The following ATG2B variants were observed in gnomAD, a reference collection of about 807,000 sequenced individuals.
ATG2B encodes autophagy related 2B, also known as autophagy-related protein 2 homolog B.
A neutral mutation model predicts 241.3 loss-of-function variants in ATG2B; 121 were observed. The observed-to-expected ratio is 0.50, with a 90% CI of 0.43 to 0.58. ATG2B has a LOEUF of 0.58. Ranked by LOEUF, ATG2B falls within the 20% of genes least tolerant of loss-of-function variation. ATG2B has a pLI of 0.00. For synonymous variants in ATG2B, 858 were observed against 876.6 expected (o/e 0.98, Z 0.37); for missense variants, 2,306 against 2,491.6 (o/e 0.93, Z 1.59).
At chr14:96,292,130 A>T in intron 36 of ATG2B, 32 bp from the exon 37 acceptor site, 1 of 1,398,328 alleles carries the variant, frequency 7.2e-7, no homozygotes, top group Non-Finnish European at 1.0e-6. Flanking sequence ...AGTTATTTAC[A>T]TTTACAATTA....
At chr14:96,299,553 G>C (rs943120353) in intron 34 of ATG2B, among the ~76,000 whole-genome samples, 1 of 152,316 alleles carries the variant, frequency 6.6e-6, no homozygotes, top group East Asian at 1.9e-4. Context: ...TCCCGGCAGA[G>C]TTCCAGGCAG....
In ATG2B at chr14:96,303,021, T is replaced by C. The variant is rs772453777; in HGVS notation, c.5037+40A>G. On this transcript the variant is annotated intron_variant, in intron 33 of 41. Transcript: ENST00000359933. ...AAGTTAGATATAATAAAAACACGTT[T>C]CCAAAACTAACATAACACAACGATG... 7.9e-6 allele frequency: 11 copies of C among 1,391,692 alleles called. No homozygotes were observed. The Middle Eastern group carries it at 1.2e-3, about 155-fold the overall frequency. The allele number at this position is 1,391,692 out of a possible 1,614,324, so 86.2% of individuals were successfully genotyped here.
At chr14:96,330,554 A>G in intron 11 of ATG2B, among the ~76,000 whole-genome samples, 1 of 152,106 alleles carries the variant, frequency 6.6e-6, no homozygotes. Context: ...ACTGGAGGGC[A>G]GGAGTTCGAG....
chr14:96,303,271 G>A lies in ATG2B; in HGVS notation c.4843-16C>T, dbSNP rs1381259371. On this transcript the variant is annotated splice_polypyrimidine_tract_variant and intron_variant, in intron 32 of 41. Coordinates refer to ENST00000359933, the MANE Select transcript of ATG2B (RefSeq NM_018036.7). ...GAAACTTCACCTTAACGGGTAAGGA[G>A]GAAGAACGCGGAACAGTTCTTTACA... 6.6e-7 allele frequency: 1 copy of A among 1,524,172 alleles called. No homozygotes were observed. Among genetic ancestry groups the A allele is most frequent in the Non-Finnish European group, 8.8e-7 (1 of 1,130,968 alleles). 94.4% of individuals were successfully genotyped at this position (1,524,172 alleles called of 1,614,324 possible). A position where few individuals can be genotyped will look rare whatever the true frequency, so the allele number is the denominator to read the frequency against.
chr14:96,318,388 T>C (rs1887372713), intron 18 of ATG2B: 1 of 152,320 alleles, frequency 6.6e-6, no homozygotes. Context: ...CAAAGTCACA[T>C]GGCTAATTAG....
chr14:96,304,004 C>T (rs771623358), intron 32 of ATG2B, among the ~76,000 whole-genome samples: 8 of 152,184 alleles, frequency 5.3e-5, no homozygotes, highest in Non-Finnish European at 1.0e-4. Flanking sequence ...TAAAATATGA[C>T]ACTTGGTACA....
At chr14:96,310,743 G>A (rs1255287628) in intron 28 of ATG2B, among the ~76,000 whole-genome samples, 2 of 152,156 alleles carry the variant, frequency 1.3e-5, no homozygotes, top group African/African-American at 4.8e-5. Context: ...ATATAAGTAA[G>A]TCTTCTGGTA....
chr14:96,345,501 T>C (rs962434770), intron 2 of ATG2B, 116 bp from the exon 3 acceptor site: 1 of 762,666 alleles, frequency 1.3e-6, no homozygotes, highest in Non-Finnish European at 1.9e-6. Context: ...ATTTTTAACA[T>C]CATGATGTTA....
chr14:96,323,028 A>G (rs1028604567), intron 16 of ATG2B, among the ~76,000 whole-genome samples: 1 of 152,206 alleles, frequency 6.6e-6, no homozygotes, highest in African/African-American at 2.4e-5. Context: ...ACTTTACCTA[A>G]GGATTCTAGT....
intron 17 of ATG2B, 109 bp downstream of exon 17, chr14:96,322,431 C>G: frequency 7.5e-7 from 1 of 1,325,954 alleles, no homozygotes; most frequent in Non-Finnish European, 1.0e-6. Flanking sequence ...AGTTTAAGAC[C>G]TAGCAAAAAC....
intron 5 of ATG2B, among the ~76,000 whole-genome samples, chr14:96,342,684 T>G (rs1226748079): frequency 1.4e-5 from 2 of 144,204 alleles, no homozygotes; most frequent in Non-Finnish European, 3.0e-5. Flanking sequence ...ATTGCGCCAC[T>G]GCACACCAGC....
At chr14:96,328,305 A>G in intron 14 of ATG2B, 42 bp downstream of exon 14, 1 of 1,419,666 alleles carries the variant, frequency 7.0e-7, no homozygotes, top group South Asian at 1.4e-5. Context: ...CCTATTAGCT[A>G]ACCATAATTA....
intron 30 of ATG2B, among the ~76,000 whole-genome samples, chr14:96,306,219 T>C (rs1248350255): frequency 6.6e-6 from 1 of 152,232 alleles, no homozygotes; most frequent in Admixed American, 6.5e-5. Context: ...TGTTTGGATT[T>C]TTAAAAATTT....
chr14:96,341,530 C>G lies in ATG2B; in HGVS notation c.916G>C (p.Gly306Arg). 6.3e-7 allele frequency: 1 copy of G among 1,578,116 alleles called. No individual in the cohort carries two copies. Among genetic ancestry groups the G allele is most frequent in the Non-Finnish European group, 8.6e-7 (1 of 1,162,268 alleles). Residue 306 changes from glycine to arginine, a missense_variant, in exon 6 of 42, where the codon GGA becomes CGA. Transcript: ENST00000359933. ...LTLKQNEVLP[G>R]AKLDVDGQID... is the part of the protein sequence containing the mutation. ...GTGAAACAAACACTGACCTTAGCTCCAGGAAGCACTTCATTCTGTTTCAAC... is the reference window on the plus strand; with the variant it reads ...GTGAAACAAACACTGACCTTAGCTCGAGGAAGCACTTCATTCTGTTTCAAC...
In ATG2B at chr14:96,321,389, C is replaced by A. The variant is rs76222263; in HGVS notation, c.2879+723G>T. 5.8e-3 allele frequency among the ~76,000 whole-genome samples: 882 copies of A among 152,254 alleles called. 12 individuals carry two copies. The highest frequency in any genetic ancestry group is 0.02 in the African/African-American group (839 of 41,558). On this transcript the variant is annotated intron_variant, in intron 18 of 41. Transcript: ENST00000359933. ...TCTTTCAGGTATGCTACGGAGAAATCCCTTCAGTGGGTAGGAATTATAACA... is the reference window on the plus strand; with the variant it reads ...TCTTTCAGGTATGCTACGGAGAAATACCTTCAGTGGGTAGGAATTATAACA...
chr14:96,322,082 A>G, intron 18 of ATG2B, 30 bp downstream of exon 18: 1 of 1,466,704 alleles, frequency 6.8e-7, no homozygotes, highest in East Asian at 2.6e-5. Context: ...ATCTGATTCC[A>G]AAGATTCAAC....
At chr14:96,317,895 A>AG (rs754269370) in intron 18 of ATG2B, 40 bp from the exon 19 acceptor site, 1 of 1,373,884 alleles carries the variant, frequency 7.3e-7, no homozygotes, top group Middle Eastern at 1.9e-4. Flanking sequence ...CTTAACTCCT[A>AG]GTTCAACAGA....
Position 96,312,129 on chromosome 14 carries a change from T to A in ATG2B, c.3873A>T (p.Leu1291=), listed in dbSNP as rs759799081. ...RIILDEAALH[L]SDKCNTVTIN... ...TAGTGACAGTATTGCATTTGTCAGA[T>A]AGATGTAAAGCAGCTTCATCCAAGA... Residue 1291 remains leucine (L), a synonymous_variant, in exon 26 of 42, where the codon CTA becomes CTT. Transcript: ENST00000359933. The A allele has an allele frequency of 6.2e-7, 1 of 1,602,070 alleles. No individual in the cohort carries two copies. The highest frequency in any genetic ancestry group is 1.1e-5 in the South Asian group (1 of 88,448).
Position 96,283,219 on chromosome 14 carries a change from T to C in ATG2B, c.*2536A>G, listed in dbSNP as rs1263187444. The C allele has an allele frequency of 6.6e-6, 1 of 152,270 alleles. No homozygotes were observed. Among genetic ancestry groups the C allele is most frequent in the South Asian group, 2.1e-4 (1 of 4,826 alleles). 9.4% of individuals were successfully genotyped at this position (152,270 alleles called of 1,614,324 possible). On this transcript the variant is annotated 3_prime_UTR_variant, in exon 42 of 42. Transcript: ENST00000359933. ...GCTGACAGATCTCGATGGAGCTGCT[T>C]ATGGGACTCCATGGGGGGAACTGTA...
Sources: gnomAD v4.1 joint callset for allele counts (sites outside exome capture counted in the v4.1 genomes callset) on GRCh38, gnomAD v4.1.1 for gene constraint, MANE v1.5 for transcripts, NCBI Gene and HGNC (gene_info 2026-07-23, HGNC 2026-07-21) for gene names.